The following KANK4 variants were observed in gnomAD, a reference collection of about 807,000 sequenced individuals.
KANK4 encodes KN motif and ankyrin repeat domains 4.
KANK4 carries 50 observed loss-of-function variants against 80.8 expected under a neutral mutation model. The observed-to-expected ratio is 0.62, with a 90% CI of 0.49 to 0.78. The LOEUF (loss-of-function observed/expected upper bound fraction) is 0.78. Among genes scored for constraint, KANK4 ranks in the 30% least tolerant of loss-of-function variants. KANK4 has a pLI of 0.00. For synonymous variants in KANK4, 465 were observed against 506.9 expected (o/e 0.92, Z 1.11); for missense variants, 1,196 against 1,240.1 (o/e 0.96, Z 0.53).
rs551254694 is a variant in KANK4, at chr1:62,246,075, G to C, written c.2883+1397C>G. Among the ~76,000 whole-genome samples the C allele has an allele frequency of 2.6e-5, 4 of 152,146 alleles. No homozygotes were observed. The East Asian group carries it at 7.7e-4, about 29-fold the overall frequency. The stretch of plus-strand genomic sequence containing the variant: ...TCTCCTTGAGCAAAGTGGGGCAGCA[G>C]GAAGACGGTCAATCTCACAAGATTG... On this transcript the variant is annotated intron_variant, in intron 9 of 9. Coordinates refer to ENST00000371153, the MANE Select transcript of KANK4 (RefSeq NM_181712.5).
At chr1:62,298,654 C>T (rs1053413884) in intron 1 of KANK4, among the ~76,000 whole-genome samples, 1 of 152,156 alleles carries the variant, frequency 6.6e-6, no homozygotes, top group Non-Finnish European at 1.5e-5. Context: ...CCAGCTTCCT[C>T]AGCTATAAAA....
At chr1:62,268,618 C>A in intron 4 of KANK4, 113 bp from the exon 5 acceptor site, 1 of 800,800 alleles carries the variant, frequency 1.2e-6, no homozygotes, top group Admixed American at 2.2e-5. Flanking sequence ...CTAATCTCCT[C>A]CCCCACTCTC....
Position 62,263,111 on chromosome 1 carries a change from C to A in KANK4, c.2520G>T (p.Val840=), listed in dbSNP as rs532705606. ...TCTGACCTGTCTCCAGCAGCAGCTT[C>A]ACGATGGAGAAGTTGGAGTGGGACA... The part of the protein sequence containing the change: ...YSVSHSNFSI[V]KLLLETGVCN... The change falls in exon 7 of 10, where the codon GTG becomes GTT. Residue 840 remains valine, a synonymous_variant. Transcript: ENST00000371153. 1.9e-6 allele frequency: 3 copies of A among 1,612,422 alleles called. No individual in the cohort carries two copies. Among genetic ancestry groups the A allele is most frequent in the Non-Finnish European group, 2.5e-6 (3 of 1,179,030 alleles).
chr1:62,290,968 T>A (rs187215027), intron 1 of KANK4, among the ~76,000 whole-genome samples: 23 of 152,144 alleles, frequency 1.5e-4, no homozygotes, highest in Admixed American at 1.2e-3. Flanking sequence ...GCCAGAATGG[T>A]CTCGATCTCT....
At chr1:62,315,298 T>C (rs1429523670) in intron 1 of KANK4, among the ~76,000 whole-genome samples, 1 of 152,114 alleles carries the variant, frequency 6.6e-6, no homozygotes, top group Non-Finnish European at 1.5e-5. Context: ...TGGTTAGCCG[T>C]CTGATCTCCA....
intron 7 of KANK4, among the ~76,000 whole-genome samples, chr1:62,259,625 A>G (rs558195807): frequency 1.3e-5 from 2 of 152,112 alleles, no homozygotes; most frequent in East Asian, 3.9e-4. Flanking sequence ...TGGGTGATCT[A>G]GGGCAAGTTT....
At chr1:62,256,531 A>G (rs1671755598) in intron 7 of KANK4, among the ~76,000 whole-genome samples, 1 of 152,062 alleles carries the variant, frequency 6.6e-6, no homozygotes. Flanking sequence ...TACAGGCATG[A>G]GCCATCACGC....
intron 1 of KANK4, among the ~76,000 whole-genome samples, chr1:62,315,608 G>A (rs553597335): frequency 5.3e-5 from 8 of 152,240 alleles, no homozygotes; most frequent in African/African-American, 1.7e-4. Context: ...TGTACAGATA[G>A]GAAAATTGAG....
In KANK4 at chr1:62,271,700, A is replaced by C. The variant is rs4609464; in HGVS notation, c.1901-111T>G. 295,519 of 757,416 alleles carry C rather than the reference A, an allele frequency of 0.39. 58,691 individuals are homozygous for C. The highest frequency in any genetic ancestry group is 0.51 in the South Asian group (34,263 of 66,852). The allele number at this position is 757,416 out of a possible 1,614,324, so 46.9% of individuals were successfully genotyped here. A position where few individuals can be genotyped will look rare whatever the true frequency, so the allele number is the denominator to read the frequency against. On this transcript the variant is annotated intron_variant, in intron 3 of 9. Transcript: ENST00000371153. Reference sequence around the variant, plus strand: ...AGGGTTGCAGGTGTGTGGAGAGGTAAGGAGGGACAGGGAACCAGATCATGT... The same window carrying C: ...AGGGTTGCAGGTGTGTGGAGAGGTACGGAGGGACAGGGAACCAGATCATGT...
chr1:62,281,039 G>A (rs1467219627), intron 2 of KANK4, among the ~76,000 whole-genome samples: 3 of 152,170 alleles, frequency 2.0e-5, no homozygotes, highest in African/African-American at 4.8e-5. Flanking sequence ...CCTGGATGAC[G>A]AGAGACACGT....
At chr1:62,265,573 T>C (rs1351837115) in intron 6 of KANK4, among the ~76,000 whole-genome samples, 1 of 152,184 alleles carries the variant, frequency 6.6e-6, no homozygotes, top group Admixed American at 6.5e-5. Context: ...AACAACTATT[T>C]GTCAAATCAG....
At chr1:62,257,668 G>A (rs1183470208) in intron 7 of KANK4, among the ~76,000 whole-genome samples, 2 of 150,284 alleles carry the variant, frequency 1.3e-5, no homozygotes, top group Admixed American at 6.6e-5. Context: ...GACACCCCAG[G>A]TTTGAGAGTG....
chr1:62,302,856 A>C (rs1416708663), intron 1 of KANK4, among the ~76,000 whole-genome samples: 1 of 152,158 alleles, frequency 6.6e-6, no homozygotes, highest in Non-Finnish European at 1.5e-5. Context: ...CCAGGTTAGC[A>C]GTAGGAGAAT....
At chr1:62,311,208 G>T (rs955468167) in intron 1 of KANK4, among the ~76,000 whole-genome samples, 23 of 152,246 alleles carry the variant, frequency 1.5e-4, no homozygotes, top group Admixed American at 1.5e-3. Context: ...TCAGGCAGAT[G>T]CAGGCTGAGC....
intron 1 of KANK4, among the ~76,000 whole-genome samples, chr1:62,287,025 G>T (rs1051732095): frequency 5.3e-5 from 8 of 152,206 alleles, no homozygotes; most frequent in African/African-American, 4.8e-5. Flanking sequence ...TAACTGCAGC[G>T]CAGACCAGAG....
chr1:62,308,249 GA>G (rs1241957679), intron 1 of KANK4, among the ~76,000 whole-genome samples: 1 of 152,204 alleles, frequency 6.6e-6, no homozygotes, highest in Admixed American at 6.5e-5. Context: ...ACCTTCCCCA[GA>G]GGCTAACAGG....
At chr1:62,281,930 G>A (rs771810787) in intron 1 of KANK4, among the ~76,000 whole-genome samples, 1 of 152,122 alleles carries the variant, frequency 6.6e-6, no homozygotes, top group Non-Finnish European at 1.5e-5. Flanking sequence ...TTGCTCTAAG[G>A]TGTCTCAGAC....
intron 1 of KANK4, among the ~76,000 whole-genome samples, chr1:62,317,030 G>C (rs577805714): frequency 1.3e-5 from 2 of 152,328 alleles, no homozygotes; most frequent in South Asian, 4.1e-4. Flanking sequence ...TTCAGACCAA[G>C]GGTAGTAGTA....
At position 62,278,389 on chromosome 1, in the gene KANK4, CTTTCTTTCT is replaced by C. The variant is rs1672370366; in HGVS notation, c.16+3151_16+3159del. Among the ~76,000 whole-genome samples, 2 of 28,970 alleles carry C rather than the reference CTTTCTTTCT, an allele frequency of 6.9e-5. 1 individual carries two copies. Among genetic ancestry groups the C allele is most frequent in the Admixed American group, 8.1e-4 (2 of 2,478 alleles). The allele number at this position is 28,970 out of a possible 152,430, so 19.0% of individuals were successfully genotyped here. A position where few individuals can be genotyped will look rare whatever the true frequency, so the allele number is the denominator to read the frequency against. ...CCTTCCTTCCTTCCTTTCTTTCTTT[CTTTCTTTCT>C]TTTTTTTTTTTGAGATGGAATTTCG... On this transcript the variant is annotated intron_variant, in intron 2 of 9. Coordinates refer to ENST00000371153, the MANE Select transcript of KANK4 (RefSeq NM_181712.5).
Sources: gnomAD v4.1 joint callset for allele counts (sites outside exome capture counted in the v4.1 genomes callset) on GRCh38, gnomAD v4.1.1 for gene constraint, MANE v1.5 for transcripts, NCBI Gene and HGNC (gene_info 2026-07-23, HGNC 2026-07-21) for gene names.